Variants in METAP1D observed in about 807,000 individuals in gnomAD.
METAP1D encodes methionyl aminopeptidase type 1D, mitochondrial.
METAP1D carries 31 observed loss-of-function variants against 40.5 expected under a neutral mutation model. The observed-to-expected ratio is 0.77, with a 90% CI of 0.58 to 1.03. METAP1D has a LOEUF of 1.03. Ranked by LOEUF, METAP1D falls within the 50% of genes least tolerant of loss-of-function variation. The probability of loss-of-function intolerance (pLI) is 0.00; values close to 1 mark genes in which losing one functional copy is unlikely to be tolerated. For synonymous variants in METAP1D, 151 were observed against 146.4 expected (o/e 1.03, Z -0.22); for missense variants, 411 against 420.7 (o/e 0.98, Z 0.20).
At chr2:172,024,456 A>G (rs1462017935) in intron 1 of METAP1D, among the ~76,000 whole-genome samples, 1 of 152,128 alleles carries the variant, frequency 6.6e-6, no homozygotes, top group Admixed American at 6.6e-5. Context: ...AAACAAGAAT[A>G]ATTCTGAGAA....
intron 1 of METAP1D, among the ~76,000 whole-genome samples, chr2:172,056,394 CA>C (rs1299353945): frequency 6.6e-6 from 1 of 152,224 alleles, no homozygotes; most frequent in Non-Finnish European, 1.5e-5. Flanking sequence ...TTAGCAGGAC[CA>C]GGGGTAGAAC....
intron 5 of METAP1D, among the ~76,000 whole-genome samples, chr2:172,068,890 C>CTTTCTT (rs1461142385): frequency 6.6e-6 from 1 of 151,616 alleles, no homozygotes; most frequent in African/African-American, 2.4e-5. Context: ...TCCTCCCTTC[C>CTTTCTT]TTTCTTTTTC....
chr2:172,068,203 G>A (rs960796917), intron 5 of METAP1D, among the ~76,000 whole-genome samples: 1 of 152,090 alleles, frequency 6.6e-6, no homozygotes, highest in South Asian at 2.1e-4. Context: ...GGCCAACATG[G>A]TGAAATCCCA....
At chr2:172,030,194 A>G (rs1187411921) in intron 1 of METAP1D, among the ~76,000 whole-genome samples, 2 of 151,638 alleles carry the variant, frequency 1.3e-5, no homozygotes, top group African/African-American at 4.8e-5. Flanking sequence ...GGTTCAAGCA[A>G]TTCTCCTGCC....
chr2:172,035,936 C>A (rs1689365275), intron 1 of METAP1D, among the ~76,000 whole-genome samples: 1 of 152,044 alleles, frequency 6.6e-6, no homozygotes, highest in Non-Finnish European at 1.5e-5. Context: ...GTGTGAGAGA[C>A]CACACTGGGA....
chr2:172,048,168 G>A (rs1461715822), intron 1 of METAP1D, among the ~76,000 whole-genome samples: 4 of 152,182 alleles, frequency 2.6e-5, no homozygotes, highest in Non-Finnish European at 5.9e-5. Flanking sequence ...CCAGTGCTTT[G>A]GATGGTGTCA....
chr2:172,066,408 G>A (rs1690282016), intron 5 of METAP1D, 102 bp downstream of exon 5: 2 of 944,866 alleles, frequency 2.1e-6, no homozygotes, highest in South Asian at 3.0e-5. Context: ...TGGAAGTGCT[G>A]TTTACTTCTA....
chr2:172,072,851 T>A (rs781248510), intron 6 of METAP1D, among the ~76,000 whole-genome samples: 3 of 152,028 alleles, frequency 2.0e-5, no homozygotes, highest in Non-Finnish European at 2.9e-5. Flanking sequence ...ATCATGAAAA[T>A]GGTTTCATTA....
intron 1 of METAP1D, among the ~76,000 whole-genome samples, chr2:172,036,720 TG>T (rs1689399399): frequency 1.3e-5 from 2 of 152,292 alleles, no homozygotes; most frequent in South Asian, 2.1e-4. Context: ...GATGCACTTC[TG>T]TATGCATTTC....
chr2:172,057,650 T>C (rs572693536), intron 1 of METAP1D, among the ~76,000 whole-genome samples: 3 of 152,194 alleles, frequency 2.0e-5, no homozygotes, highest in Non-Finnish European at 4.4e-5. Flanking sequence ...GTGTTTTAGC[T>C]CCTGTTTTTT....
intron 1 of METAP1D, among the ~76,000 whole-genome samples, chr2:172,043,717 G>C (rs946703808): frequency 7.4e-6 from 1 of 134,660 alleles, no homozygotes; most frequent in African/African-American, 2.5e-5. Flanking sequence ...CCTGTATGGA[G>C]AAAACATTAG....
intron 6 of METAP1D, among the ~76,000 whole-genome samples, chr2:172,076,393 C>T (rs1690547087): frequency 6.6e-6 from 1 of 152,082 alleles, no homozygotes; most frequent in Admixed American, 6.5e-5. Flanking sequence ...TCTTCATCCT[C>T]AGTGTTTATT....
chr2:172,039,549 A>G (rs1194813717), intron 1 of METAP1D, among the ~76,000 whole-genome samples: 1 of 152,230 alleles, frequency 6.6e-6, no homozygotes, highest in African/African-American at 2.4e-5. Flanking sequence ...GAATTAAAAT[A>G]ACCCTTTCAT....
chr2:172,035,129 A>G (rs1484664141), intron 1 of METAP1D, among the ~76,000 whole-genome samples: 1 of 149,112 alleles, frequency 6.7e-6, no homozygotes, highest in African/African-American at 2.4e-5. Context: ...GCAAATACCT[A>G]TGTAACTACT....
At chr2:172,053,307 G>A (rs1689929218) in intron 1 of METAP1D, among the ~76,000 whole-genome samples, 1 of 152,164 alleles carries the variant, frequency 6.6e-6, no homozygotes, top group African/African-American at 2.4e-5. Flanking sequence ...TCAGCACCCC[G>A]AAAATATATT....
At chr2:172,011,296 T>TC (rs1286910265) in intron 1 of METAP1D, among the ~76,000 whole-genome samples, 1 of 151,008 alleles carries the variant, frequency 6.6e-6, no homozygotes, top group Non-Finnish European at 1.5e-5. Flanking sequence ...TTTTTTTTTT[T>TC]TTTTTGGCGA....
Position 172,081,161 on chromosome 2 carries a change from G to T in METAP1D, c.*755G>T, listed in dbSNP as rs1418495664. 1 of 151,854 alleles carries T rather than the reference G, an allele frequency of 6.6e-6. No individual in the cohort carries two copies. Among genetic ancestry groups the T allele is most frequent in the African/African-American group, 2.4e-5 (1 of 41,066 alleles). The allele number at this position is 151,854 out of a possible 1,614,324, so 9.4% of individuals were successfully genotyped here. On this transcript the variant is annotated 3_prime_UTR_variant, in exon 10 of 10. Transcript: ENST00000315796. ...GGCCAGTCCAGAGGTGAAGTTTGAG[G>T]CCCTCCCCCCACCCACCCCACACGC...
chr2:172,003,834 G>C (rs1688521955), intron 1 of METAP1D, among the ~76,000 whole-genome samples: 1 of 151,762 alleles, frequency 6.6e-6, no homozygotes, highest in South Asian at 2.1e-4. Context: ...GTGCGATCTT[G>C]GCTCACTGCA....
At chr2:172,043,523 TTA>T (rs1038408413) in intron 1 of METAP1D, among the ~76,000 whole-genome samples, 2 of 134,704 alleles carry the variant, frequency 1.5e-5, no homozygotes, top group African/African-American at 5.0e-5. Context: ...AAATATGACA[TTA>T]GACTATTATA....
Sources: allele counts gnomAD v4.1 joint callset (sites outside exome capture counted in the v4.1 genomes callset), GRCh38; gene constraint gnomAD v4.1.1; transcripts MANE v1.5; gene names NCBI Gene and HGNC (gene_info 2026-07-23, HGNC 2026-07-21).